Variants in ESRRG observed in about 807,000 individuals in gnomAD.
The protein encoded by ESRRG is estrogen-related receptor gamma.
A neutral mutation model predicts 44.0 loss-of-function variants in ESRRG; 13 were observed. That is an observed-to-expected ratio of 0.30 (90% CI 0.19 to 0.47). The LOEUF (loss-of-function observed/expected upper bound fraction) is 0.47. Ranked by LOEUF, ESRRG falls within the 20% of genes least tolerant of loss-of-function variation. ESRRG has a pLI of 1.00. For synonymous variants in ESRRG, 215 were observed against 214.6 expected, an observed-to-expected ratio of 1.00 and a Z score of -0.02; for missense variants, 395 against 580.6, an observed-to-expected ratio of 0.68 and a Z score of 3.29.
chr1:216,583,065 G>T (rs139729368), intron 3 of ESRRG, among the ~76,000 whole-genome samples: 1 of 152,088 alleles, frequency 6.6e-6, no homozygotes, highest in African/African-American at 2.4e-5. Context: ...CTGTAAATTT[G>T]AAAGAAGGCA....
At chr1:216,653,420 T>C (rs984666187) in intron 2 of ESRRG, among the ~76,000 whole-genome samples, 1 of 152,220 alleles carries the variant, frequency 6.6e-6, no homozygotes, top group African/African-American at 2.4e-5. Context: ...CTGAATGAAA[T>C]ATAAACTATA....
intron 2 of ESRRG, among the ~76,000 whole-genome samples, chr1:216,671,010 C>A (rs2075062999): frequency 1.3e-5 from 2 of 152,184 alleles, no homozygotes; most frequent in Admixed American, 1.3e-4. Flanking sequence ...ATAACATTAA[C>A]ATATTTACAT....
intron 1 of ESRRG, among the ~76,000 whole-genome samples, chr1:217,061,572 G>C (rs774463153): frequency 6.6e-6 from 1 of 152,020 alleles, no homozygotes; most frequent in Non-Finnish European, 1.5e-5. Context: ...AACAGGAAAA[G>C]GTCAGTCCTC....
At chr1:216,777,523 A>T (rs2093660539) in intron 2 of ESRRG, among the ~76,000 whole-genome samples, 2 of 152,120 alleles carry the variant, frequency 1.3e-5, no homozygotes, top group Admixed American at 6.6e-5. Context: ...AAAATGATGG[A>T]TAAGAATCAG....
Position 217,133,909 on chromosome 1 carries a change from T to C in ESRRG, c.-230+3758A>G, listed in dbSNP as rs958753365. 3.9e-5 allele frequency among the ~76,000 whole-genome samples: 6 copies of C among 152,008 alleles called. No individual in the cohort carries two copies. In the South Asian group the frequency reaches 8.3e-4, roughly 21 times the overall value. ...CCTCCAGCACCTGAATTCCAACATT[T>C]AGAGGTCAGAGCCACCGGTTTCTGC... On this transcript the variant is annotated intron_variant, in intron 1 of 8. Coordinates refer to the ESRRG transcript ENST00000366940.
intron 2 of ESRRG, among the ~76,000 whole-genome samples, chr1:216,931,021 T>C (rs1578284661): frequency 6.6e-6 from 1 of 152,212 alleles, no homozygotes; most frequent in East Asian, 1.9e-4. Context: ...ATGTGATTTT[T>C]GTAAGGAAAG....
chr1:216,912,161 AAAAGAAAAGAAAAGAAAAGAAAAGG>A (rs1374650898), intron 2 of ESRRG, among the ~76,000 whole-genome samples: 2,031 of 38,738 alleles, frequency 0.052, 136 homozygotes, highest in Middle Eastern at 0.12. Context: ...AAAAGAAAAG[AAAAGAAAAGAAAAGAAAAGAAAAGG>A]AGAGGAGAGG....
chr1:216,525,402 C>T (rs1053020724), intron 5 of ESRRG, among the ~76,000 whole-genome samples: 3 of 152,116 alleles, frequency 2.0e-5, no homozygotes, highest in Non-Finnish European at 2.9e-5. Context: ...ATTCCCTTAG[C>T]TTTTCCCAAA....
intron 1 of ESRRG, among the ~76,000 whole-genome samples, chr1:217,132,555 T>C (rs1371861003): frequency 6.6e-6 from 1 of 152,134 alleles, no homozygotes; most frequent in Non-Finnish European, 1.5e-5. Context: ...AAAAACACAA[T>C]TTAGGAACTG....
Position 217,018,116 on chromosome 1 carries a change from C to T in ESRRG, c.-106+71391G>A, listed in dbSNP as rs187545353. Among the ~76,000 whole-genome samples, 399 of 152,296 alleles carry T rather than the reference C, an allele frequency of 2.6e-3. 1 individual carries two copies. The highest frequency in any genetic ancestry group is 7.0e-3 in the Admixed American group (107 of 15,296). On this transcript the variant is annotated intron_variant, in intron 1 of 7. Transcript: ENST00000359162. ...CTAATAAACCAACATACAAGCCACA[C>T]TTTACTATGGAAATAATGGTTATTA...
At chr1:216,687,400 G>A (rs988799641) in intron 1 of ESRRG, among the ~76,000 whole-genome samples, 5 of 152,148 alleles carry the variant, frequency 3.3e-5, no homozygotes, top group African/African-American at 4.8e-5. Context: ...CATTTGATTT[G>A]ACTGCCAGTA....
rs376701865 is a variant in ESRRG, at chr1:216,516,668, C to CACACACACACACACACACAGAG, written c.1132+2483_1132+2484insCTCTGTGTGTGTGTGTGTGTGT. ...ACACACACACACACACACACACACA[C>CACACACACACACACACACAGAG]AGAGAGAGAGAGAGAAACGACAAAA... On this transcript the variant is annotated intron_variant, in intron 6 of 6. Transcript: ENST00000408911. Among the ~76,000 whole-genome samples the CACACACACACACACACACAGAG allele has an allele frequency of 5.0e-4, 68 of 137,244 alleles. No homozygotes were observed. The Middle Eastern group carries it at 0.011, about 23-fold the overall frequency. 90.0% of individuals were successfully genotyped at this position (137,244 alleles called of 152,430 possible).
chr1:217,000,548 A>T (rs531386582), intron 1 of ESRRG: 19 of 152,332 alleles, frequency 1.2e-4, no homozygotes, highest in African/African-American at 4.6e-4. Context: ...GTAAAAGGCT[A>T]TATTGTAAGG....
At chr1:216,588,824 T>C (rs1334719496) in intron 3 of ESRRG, among the ~76,000 whole-genome samples, 1 of 152,212 alleles carries the variant, frequency 6.6e-6, no homozygotes, top group Non-Finnish European at 1.5e-5. Context: ...AATTGATTCA[T>C]TGATTCTCCC....
chr1:216,974,619 A>G (rs2072474106), intron 1 of ESRRG, among the ~76,000 whole-genome samples: 1 of 152,220 alleles, frequency 6.6e-6, no homozygotes, highest in African/African-American at 2.4e-5. Context: ...GCACTTTAAA[A>G]CTTCTCAGTT....
chr1:216,894,141 G>A (rs2058137622), intron 2 of ESRRG, among the ~76,000 whole-genome samples: 1 of 152,098 alleles, frequency 6.6e-6, no homozygotes, highest in South Asian at 2.1e-4. Context: ...TTGCCAAATT[G>A]AGTATTCTGC....
At chr1:217,009,959 C>T (rs2078321108) in intron 1 of ESRRG, among the ~76,000 whole-genome samples, 1 of 152,066 alleles carries the variant, frequency 6.6e-6, no homozygotes. Flanking sequence ...CCACCTCGGC[C>T]TCCCAAAGTG....
At chr1:217,053,805 C>T (rs1384185532) in intron 1 of ESRRG, among the ~76,000 whole-genome samples, 2 of 151,974 alleles carry the variant, frequency 1.3e-5, no homozygotes, top group Non-Finnish European at 2.9e-5. Flanking sequence ...GTTATTATCA[C>T]CAGACATGGG....
chr1:216,829,467 G>T (rs1157783170), intron 2 of ESRRG, among the ~76,000 whole-genome samples: 1 of 151,754 alleles, frequency 6.6e-6, no homozygotes, highest in East Asian at 1.9e-4. Context: ...GCATAACAAA[G>T]TTAGCATGTT....
Sources: allele counts gnomAD v4.1 joint callset (sites outside exome capture counted in the v4.1 genomes callset), GRCh38; gene constraint gnomAD v4.1.1; transcripts MANE v1.5; gene names NCBI Gene and HGNC (gene_info 2026-07-23, HGNC 2026-07-21).